AGAP1: variants seen among roughly 807,000 people sequenced by gnomAD.
AGAP1 encodes the protein arf-GAP with GTPase, ANK repeat and PH domain-containing protein 1.
A neutral mutation model predicts 105.3 loss-of-function variants in AGAP1; 29 were observed. That is an observed-to-expected ratio of 0.28 (90% confidence interval 0.21 to 0.38). AGAP1 has a LOEUF of 0.38. AGAP1 is among the 10% of genes least tolerant of loss of function. The pLI is 1.00. For missense variants in AGAP1, 998 were observed against 1,165.1 expected (o/e 0.86, Z 2.09); for synonymous variants, 509 against 485.9 (o/e 1.05, Z -0.63).
intron 1 of AGAP1, among the ~76,000 whole-genome samples, chr2:235,598,485 T>C (rs1574934968): frequency 6.6e-6 from 1 of 152,318 alleles, no homozygotes; most frequent in South Asian, 2.1e-4. Context: ...TATGGGAAAC[T>C]TGGTTGCATT....
intron 1 of AGAP1, among the ~76,000 whole-genome samples, chr2:235,629,212 T>C (rs942445308): frequency 2.0e-5 from 3 of 151,808 alleles, no homozygotes; most frequent in African/African-American, 7.3e-5. Context: ...TCCAATCTCA[T>C]CCAGGTCACT....
Position 235,874,797 on chromosome 2 carries a change from C to A in AGAP1, c.1051-8548C>A, listed in dbSNP as rs572363359. On this transcript the variant is annotated intron_variant, in intron 9 of 17. Transcript: ENST00000304032. This position sits in a 1 kb window ranked among gnomAD's most constrained non-coding sequence, Gnocchi z 4.5. ...TAGCATTACTCCTAGAACCAAGATA[C>A]CATGAGTGTGTGTGTGCATGTGTGT... Among the ~76,000 whole-genome samples, 1 of 152,166 alleles carries A rather than the reference C, an allele frequency of 6.6e-6. No homozygotes were observed. Among genetic ancestry groups the A allele is most frequent in the Non-Finnish European group, 1.5e-5 (1 of 68,038 alleles).
rs73998923 is a variant in AGAP1, at chr2:235,801,637, G to A, written c.957+2115G>A. Among the ~76,000 whole-genome samples the A allele has an allele frequency of 4.8e-3, 726 of 152,210 alleles. 6 individuals carry two copies. The highest frequency in any genetic ancestry group is 0.017 in the African/African-American group (705 of 41,524). On this transcript the variant is annotated intron_variant, in intron 8 of 17. Coordinates refer to ENST00000304032, the MANE Select transcript of AGAP1 (RefSeq NM_001037131.3). The surrounding 1 kb of genome is among the most constrained non-coding windows in gnomAD (Gnocchi z 6.0). ...GAAGTGTTTCCTGCTAGAACAGGCT[G>A]CACAGTGACTCGGTGGCTTGAGAAA...
Position 235,714,415 on chromosome 2 carries a change from G to T in AGAP1, c.223-3142G>T, listed in dbSNP as rs1031365437. Among the ~76,000 whole-genome samples the T allele has an allele frequency of 3.9e-5, 6 of 152,154 alleles. No homozygotes were observed. In the South Asian group the frequency reaches 1.0e-3, roughly 26 times the overall value. On this transcript the variant is annotated intron_variant, in intron 2 of 17. Coordinates refer to ENST00000304032, the MANE Select transcript of AGAP1 (RefSeq NM_001037131.3). The surrounding 1 kb of genome is among the most constrained non-coding windows in gnomAD (Gnocchi z 4.1). ...TATAGTTGAAGGCTTGTCAGAGGAG[G>T]TGACATCTGAACTGATAGTAAGAGT...
At chr2:235,502,973 A>G (rs544531882) in intron 1 of AGAP1, among the ~76,000 whole-genome samples, 34 of 152,150 alleles carry the variant, frequency 2.2e-4, no homozygotes, top group Admixed American at 7.2e-4. Context: ...GTTTTAGCCA[A>G]TAGTGACTTG....
rs889291051 is a variant in AGAP1, at chr2:235,622,624, G to A, written c.164-86555G>A. On this transcript the variant is annotated intron_variant, in intron 1 of 17. Coordinates refer to ENST00000304032, the MANE Select transcript of AGAP1 (RefSeq NM_001037131.3). This position sits in a 1 kb window ranked among gnomAD's most constrained non-coding sequence, Gnocchi z 5.0. ...TTCAGCCAACGTCGGTTTTGAGAATGCGACCTATGAAATTGGGAGCCCTGG... is the reference window on the plus strand; with the variant it reads ...TTCAGCCAACGTCGGTTTTGAGAATACGACCTATGAAATTGGGAGCCCTGG... 2.0e-5 allele frequency among the ~76,000 whole-genome samples: 3 copies of A among 152,150 alleles called. No individual in the cohort carries two copies. The South Asian group carries it at 6.2e-4, about 32-fold the overall frequency.
At chr2:235,713,441 T>A (rs1950948615) in intron 2 of AGAP1, among the ~76,000 whole-genome samples, 1 of 152,238 alleles carries the variant, frequency 6.6e-6, no homozygotes, top group South Asian at 2.1e-4. Context: ...TCACCAGCAG[T>A]GCAGTCATGC....
intron 16 of AGAP1, among the ~76,000 whole-genome samples, chr2:236,117,191 G>A (rs773143637): frequency 2.0e-5 from 3 of 152,136 alleles, no homozygotes; most frequent in Non-Finnish European, 4.4e-5. Context: ...TTTCCATAGC[G>A]GCTGTACTAG....
rs1281072649 is a variant in AGAP1, at chr2:235,964,989, G to A, written c.1484-3473G>A. Among the ~76,000 whole-genome samples, 2 of 152,160 alleles carry A rather than the reference G, an allele frequency of 1.3e-5. No individual in the cohort carries two copies. Among genetic ancestry groups the A allele is most frequent in the Non-Finnish European group, 2.9e-5 (2 of 68,026 alleles). On this transcript the variant is annotated intron_variant, in intron 12 of 17. Transcript: ENST00000304032. This position sits in a 1 kb window ranked among gnomAD's most constrained non-coding sequence, Gnocchi z 4.6. The stretch of plus-strand genomic sequence containing the variant: ...GGAAGTGTCTTATTTAAACCTGCCC[G>A]CTCCCACCTCTGCAGTTCCACCACA...
At chr2:235,760,409 A>G (rs2696393) in intron 6 of AGAP1, among the ~76,000 whole-genome samples, 42,572 of 152,140 alleles carry the variant, frequency 0.28, 6,276 homozygotes, top group Admixed American at 0.41. Flanking sequence ...AAATAAATAC[A>G]AATGTGTAAG....
At position 235,557,361 on chromosome 2, in the gene AGAP1, G is replaced by A. The variant is rs1167003673; in HGVS notation, c.163+62512G>A. Among the ~76,000 whole-genome samples, 2 of 152,102 alleles carry A rather than the reference G, an allele frequency of 1.3e-5. No individual in the cohort carries two copies. Among genetic ancestry groups the A allele is most frequent in the Non-Finnish European group, 2.9e-5 (2 of 68,016 alleles). ...GTTGATTTTATTTAAGACTGGAAAG[G>A]CTTGTCCATGTATCGCCGTTGGGAA... On this transcript the variant is annotated intron_variant, in intron 1 of 17. Coordinates refer to ENST00000304032, the MANE Select transcript of AGAP1 (RefSeq NM_001037131.3). This position sits in a 1 kb window ranked among gnomAD's most constrained non-coding sequence, Gnocchi z 4.7.
Position 235,801,211 on chromosome 2 carries a change from G to A in AGAP1, c.957+1689G>A, listed in dbSNP as rs930721120. On this transcript the variant is annotated intron_variant, in intron 8 of 17. Transcript: ENST00000304032. This position sits in a 1 kb window ranked among gnomAD's most constrained non-coding sequence, Gnocchi z 6.0. ...ATCAGACAGACCAAGCTCCCATCCC[G>A]GCCTCCGCTGCTGACGGATGTTTGA... Among the ~76,000 whole-genome samples the A allele has an allele frequency of 2.0e-5, 3 of 152,108 alleles. No individual in the cohort carries two copies. The highest frequency in any genetic ancestry group is 2.9e-5 in the Non-Finnish European group (2 of 68,030).
In AGAP1 at chr2:235,754,815, C is replaced by T. The variant is rs1206458278; in HGVS notation, c.673+4327C>T. Reference sequence around the variant, plus strand: ...GGAAGCGCAGGCAGGGTCCCTTCCTCCGTGAAGTTAAGGTCCACTAGGGAG... The same window carrying T: ...GGAAGCGCAGGCAGGGTCCCTTCCTTCGTGAAGTTAAGGTCCACTAGGGAG... On this transcript the variant is annotated intron_variant, in intron 6 of 17. Transcript: ENST00000304032. The surrounding 1 kb of genome is among the most constrained non-coding windows in gnomAD (Gnocchi z 4.6). Among the ~76,000 whole-genome samples the T allele has an allele frequency of 6.6e-6, 1 of 152,190 alleles. No homozygotes were observed. Among genetic ancestry groups the T allele is most frequent in the Admixed American group, 6.5e-5 (1 of 15,282 alleles).
At chr2:235,688,417 A>G (rs1378271609) in intron 1 of AGAP1, among the ~76,000 whole-genome samples, 3 of 152,034 alleles carry the variant, frequency 2.0e-5, no homozygotes, top group African/African-American at 7.3e-5. Flanking sequence ...GAAGGTCATG[A>G]CGGTCCCCTC....
rs994224691 is a variant in AGAP1, at chr2:236,042,118, G to A, written c.1891+1277G>A. Among the ~76,000 whole-genome samples, 4 of 152,190 alleles carry A rather than the reference G, an allele frequency of 2.6e-5. No homozygotes were observed. Among genetic ancestry groups the A allele is most frequent in the Non-Finnish European group, 4.4e-5 (3 of 68,038 alleles). ...GGAGTTTTAGAGCAGGAAGGAGATG[G>A]ACCCTGAGCTCCACTTGGGGAGATG... On this transcript the variant is annotated intron_variant, in intron 15 of 17. Coordinates refer to ENST00000304032, the MANE Select transcript of AGAP1 (RefSeq NM_001037131.3). The surrounding 1 kb of genome is among the most constrained non-coding windows in gnomAD (Gnocchi z 5.6).
Position 235,630,040 on chromosome 2 carries a change from AT to A in AGAP1, c.164-79130del, listed in dbSNP as rs896616003. Among the ~76,000 whole-genome samples, 88 of 151,760 alleles carry A rather than the reference AT, an allele frequency of 5.8e-4. 1 individual carries two copies. The highest frequency in any genetic ancestry group is 1.7e-3 in the African/African-American group (70 of 41,420). ...TATACAAAATGTCTGATTACATTTA[AT>A]TTTTTTTTCCAGCAGGATGGAAATG... On this transcript the variant is annotated intron_variant, in intron 1 of 17. Coordinates refer to ENST00000304032, the MANE Select transcript of AGAP1 (RefSeq NM_001037131.3).
At chr2:235,910,048 G>A (rs936220016) in intron 11 of AGAP1, among the ~76,000 whole-genome samples, 2 of 152,024 alleles carry the variant, frequency 1.3e-5, no homozygotes, top group African/African-American at 4.8e-5. Flanking sequence ...TCTCCTATGA[G>A]AGTTTCTGGT....
intron 1 of AGAP1, among the ~76,000 whole-genome samples, chr2:235,602,908 G>A (rs951317326): frequency 3.3e-5 from 5 of 152,074 alleles, no homozygotes; most frequent in African/African-American, 1.2e-4. Context: ...TACCATATTG[G>A]TCAGGCAGGT....
rs1362707690 is a variant in AGAP1 at position 235,660,921 on chromosome 2, C to T, written c.164-48258C>T. On this transcript the variant is annotated intron_variant, in intron 1 of 17. Coordinates refer to ENST00000304032, the MANE Select transcript of AGAP1 (RefSeq NM_001037131.3). This position sits in a 1 kb window ranked among gnomAD's most constrained non-coding sequence, Gnocchi z 5.3. The stretch of plus-strand genomic sequence containing the variant: ...TTTGCATCATTCTGGCCTTGGAGCC[C>T]AGCCTCTTAGCCACTCAGTGCAACT... Among the ~76,000 whole-genome samples the T allele has an allele frequency of 1.3e-5, 2 of 152,166 alleles. No homozygotes were observed. Among genetic ancestry groups the T allele is most frequent in the Admixed American group, 6.5e-5 (1 of 15,276 alleles).
Sources: allele counts gnomAD v4.1 joint callset (sites outside exome capture counted in the v4.1 genomes callset), GRCh38; gene constraint gnomAD v4.1.1; non-coding constraint Gnocchi (gnomAD v3.1); transcripts MANE v1.5; gene names NCBI Gene and HGNC (gene_info 2026-07-23, HGNC 2026-07-21).